The following NEK10 variants were observed in gnomAD, a reference collection of about 807,000 sequenced individuals.
The protein encoded by NEK10 is NIMA related kinase 10, also known as serine/threonine-protein kinase Nek10.
NEK10 carries 122 observed loss-of-function variants against 159.8 expected under a neutral mutation model. That is an observed-to-expected ratio of 0.76 (90% CI 0.66 to 0.89). NEK10 has a LOEUF of 0.89. Among genes scored for constraint, NEK10 ranks in the 40% least tolerant of loss-of-function variants. The pLI is 0.00. For synonymous variants in NEK10, 466 were observed against 457.1 expected (o/e 1.02, Z -0.25); for missense variants, 1,342 against 1,323.1 (o/e 1.01, Z -0.22).
chr3:27,304,173 G>A (rs942841517), intron 12 of NEK10, among the ~76,000 whole-genome samples: 7 of 152,092 alleles, frequency 4.6e-5, no homozygotes, highest in African/African-American at 1.7e-4. Context: ...CCACCTTAGA[G>A]GACCGTAATG....
At chr3:27,227,988 C>G (rs138448715) in intron 23 of NEK10, among the ~76,000 whole-genome samples, 1 of 152,262 alleles carries the variant, frequency 6.6e-6, no homozygotes, top group East Asian at 1.9e-4. Context: ...ACAATAACTT[C>G]TAGCTAGTTA....
Position 27,245,538 on chromosome 3 carries a change from C to T in NEK10, c.2090+10758G>A, listed in dbSNP as rs189641595. On this transcript the variant is annotated intron_variant, in intron 23 of 35. Coordinates refer to ENST00000691995, the MANE Select transcript of NEK10 (RefSeq NM_001394966.1). The stretch of plus-strand genomic sequence containing the variant: ...AAGGGACTCTAGCCAAGCATCAACA[C>T]GAACTGCCTTATTAATGAAGCCATC... 4.5e-4 allele frequency among the ~76,000 whole-genome samples: 69 copies of T among 152,278 alleles called. 1 individual carries two copies. Among genetic ancestry groups the T allele is most frequent in the East Asian group, 3.5e-3 (18 of 5,176 alleles).
intron 25 of NEK10, among the ~76,000 whole-genome samples, chr3:27,200,837 T>C (rs2149032463): frequency 6.6e-6 from 1 of 150,890 alleles, no homozygotes; most frequent in African/African-American, 2.4e-5. Context: ...GGAAAGAGAG[T>C]TCTAGGAAAC....
At chr3:27,299,729 G>C (rs1462950300) in intron 13 of NEK10, among the ~76,000 whole-genome samples, 1 of 152,232 alleles carries the variant, frequency 6.6e-6, no homozygotes, top group Non-Finnish European at 1.5e-5. Context: ...TATAGCATCA[G>C]CGTGACCCAG....
chr3:27,144,881 T>C (rs1388093718), intron 30 of NEK10, among the ~76,000 whole-genome samples: 1 of 152,008 alleles, frequency 6.6e-6, no homozygotes, highest in Non-Finnish European at 1.5e-5. Context: ...ACCACCACAC[T>C]TGGCTAACTT....
rs767721006 is a variant in NEK10, at chr3:27,131,956, C to T, written c.3005G>A (p.Arg1002Lys). Reference sequence around the variant, plus strand: ...GGATTTCTTGAATCTCTCTATAACCCTTCTTTTCAAATTGTGGTGCAAAGC... The same window carrying T: ...GGATTTCTTGAATCTCTCTATAACCTTTCTTTTCAAATTGTGGTGCAAAGC... ...PPALHHNLKR[R>K]VIERFKKSLF... Residue 1002 changes from arginine to lysine, a missense_variant, in exon 32 of 36, where the codon AGG becomes AAG. Physicochemically the swap from Arg to Lys is conservative, Grantham distance 26. Transcript: ENST00000691995. The T allele has an allele frequency of 2.1e-5, 33 of 1,607,880 alleles. No individual in the cohort carries two copies. The South Asian group carries it at 3.5e-4, about 17-fold the overall frequency.
chr3:27,107,608 T>C lies in NEK10; in HGVS notation c.*3664A>G, dbSNP rs756202916. Among the ~76,000 whole-genome samples, 22 of 152,212 alleles carry C rather than the reference T, an allele frequency of 1.4e-4. No homozygotes were observed. The highest frequency in any genetic ancestry group is 2.5e-4 in the Non-Finnish European group (17 of 68,036). On this transcript the variant is annotated 3_prime_UTR_variant, in exon 36 of 36. Transcript: ENST00000691995. ...TGTTGAACATGAAGAATTTTATATT[T>C]GGACAAAATTTCACCCAAGGAGTCA...
chr3:27,142,483 A>G (rs1392751306), intron 30 of NEK10, among the ~76,000 whole-genome samples: 1 of 151,982 alleles, frequency 6.6e-6, no homozygotes, highest in Non-Finnish European at 1.5e-5. Flanking sequence ...TTTCCGCAAT[A>G]AAACTTCTCT....
At chr3:27,325,306 A>G (rs1209292542) in intron 5 of NEK10, among the ~76,000 whole-genome samples, 4 of 152,210 alleles carry the variant, frequency 2.6e-5, no homozygotes, top group Non-Finnish European at 4.4e-5. Flanking sequence ...AATGGAAGCT[A>G]TTCTAGACTA....
intron 23 of NEK10, among the ~76,000 whole-genome samples, chr3:27,249,360 T>C (rs1263427456): frequency 6.6e-6 from 1 of 152,188 alleles, no homozygotes; most frequent in African/African-American, 2.4e-5. Context: ...CATCTCTCTT[T>C]CTTTCACTCT....
At chr3:27,280,966 T>C (rs2042117800) in intron 22 of NEK10, among the ~76,000 whole-genome samples, 1 of 151,390 alleles carries the variant, frequency 6.6e-6, no homozygotes, top group Non-Finnish European at 1.5e-5. Context: ...TATATATACC[T>C]TCAGAAGATG....
chr3:27,206,177 G>A (rs780352376), intron 23 of NEK10, among the ~76,000 whole-genome samples: 1 of 152,128 alleles, frequency 6.6e-6, no homozygotes, highest in East Asian at 1.9e-4. Flanking sequence ...CAAGCATTCA[G>A]TTTGTAGCAG....
At chr3:27,164,796 G>A (rs1306898632) in intron 29 of NEK10, among the ~76,000 whole-genome samples, 1 of 152,170 alleles carries the variant, frequency 6.6e-6, no homozygotes, top group Non-Finnish European at 1.5e-5. Flanking sequence ...GCAACTTGTG[G>A]CAAACTTGTA....
chr3:27,138,973 C>T (rs1346007458), intron 31 of NEK10, among the ~76,000 whole-genome samples: 1 of 152,196 alleles, frequency 6.6e-6, no homozygotes, highest in Non-Finnish European at 1.5e-5. Context: ...AAATGACAAG[C>T]TTGGGTCCTT....
At chr3:27,172,333 C>CAA (rs57112652) in intron 28 of NEK10, among the ~76,000 whole-genome samples, 28 of 63,010 alleles carry the variant, frequency 4.4e-4, no homozygotes, top group Admixed American at 1.5e-3. Flanking sequence ...GACCCCGTCT[C>CAA]AAAAAAAAAA....
At chr3:27,221,515 A>T (rs947037438) in intron 23 of NEK10, among the ~76,000 whole-genome samples, 27 of 152,242 alleles carry the variant, frequency 1.8e-4, no homozygotes, top group African/African-American at 6.5e-4. Context: ...AGAAATGGAA[A>T]ATGGTGCAGT....
chr3:27,174,234 G>A (rs1362695305), intron 28 of NEK10, among the ~76,000 whole-genome samples: 1 of 152,120 alleles, frequency 6.6e-6, no homozygotes, highest in Non-Finnish European at 1.5e-5. Context: ...CTATTCATTT[G>A]ACAGCTGAGA....
At chr3:27,141,634 T>G (rs927803648) in intron 30 of NEK10, 52 bp from the exon 31 acceptor site, 2 of 1,394,850 alleles carry the variant, frequency 1.4e-6, no homozygotes, top group Admixed American at 3.7e-5. Context: ...AAAGTTACAT[T>G]AGTGAAAAAA....
intron 23 of NEK10, among the ~76,000 whole-genome samples, chr3:27,215,230 G>A (rs1174719952): frequency 6.6e-6 from 1 of 152,140 alleles, no homozygotes; most frequent in Non-Finnish European, 1.5e-5. Flanking sequence ...TCAAAACAGA[G>A]GGAAATAAAG....
Sources: gnomAD v4.1 joint callset for allele counts (sites outside exome capture counted in the v4.1 genomes callset) on GRCh38, gnomAD v4.1.1 for gene constraint, MANE v1.5 for transcripts, NCBI Gene and HGNC (gene_info 2026-07-23, HGNC 2026-07-21) for gene names.